Variants in MAML1 observed in about 807,000 individuals in gnomAD.
MAML1 encodes mastermind-like protein 1.
In MAML1, 14 loss-of-function variants were observed where a neutral mutation model predicts 77.1. The ratio of observed to expected loss-of-function variants is 0.18; its 90% CI spans 0.12 to 0.28. MAML1 has a LOEUF of 0.28. MAML1 is among the 10% of genes least tolerant of loss of function. MAML1 has a pLI of 1.00. For missense variants in MAML1, 1,217 were observed against 1,327.8 expected, an observed-to-expected ratio of 0.92 and a Z score of 1.30; for synonymous variants, 516 against 551.9, an observed-to-expected ratio of 0.93 and a Z score of 0.91.
Position 179,774,507 on chromosome 5 carries a change from G to A in MAML1, c.2681G>A (p.Ser894Asn), listed in dbSNP as rs1756085928. The A allele has an allele frequency of 6.2e-7, 1 of 1,613,232 alleles. No homozygotes were observed. The part of the protein sequence containing the change: ...AVPNRPMAPM[S>N]SAAAVGSLLP... ...CCCAACAGGCCCATGGCTCCCATGAGCTCAGCAGCTGCCGTGGGGTCCTTG... is the reference window on the plus strand; with the variant it reads ...CCCAACAGGCCCATGGCTCCCATGAACTCAGCAGCTGCCGTGGGGTCCTTG... Residue 894 changes from serine (S) to asparagine (N), a missense_variant, in exon 5 of 5, where the codon AGC becomes AAC. This residue lies in a region of MAML1 where 884 missense variants were observed against 949.3 expected (regional missense o/e 0.93). Transcript: ENST00000292599.
chr5:179,739,020 C>T (rs1779226872), intron 1 of MAML1, among the ~76,000 whole-genome samples: 1 of 152,158 alleles, frequency 6.6e-6, no homozygotes, highest in Non-Finnish European at 1.5e-5. Flanking sequence ...ATTTCCTTTT[C>T]AGCTTTCTGA....
Position 179,733,393 on chromosome 5 carries a change from C to T in MAML1, c.281C>T (p.Ala94Val). Residue 94 changes from alanine (A) to valine (V), a missense_variant, in exon 1 of 5, where the codon GCC (alanine) becomes GTC (valine). Around this residue, in one of 3 missense-constraint regions of MAML1, gnomAD observed 312 missense variants for 331.4 expected, o/e 0.94. Coordinates refer to ENST00000292599, the MANE Select transcript of MAML1 (RefSeq NM_014757.5). ...APAAPAPRLD[A>V]ADGPEHGRPA... Reference sequence around the variant, plus strand: ...GCCGCCCCGGCCCCGCGCCTGGACGCCGCTGACGGCCCCGAGCACGGCCGC... The same window carrying T: ...GCCGCCCCGGCCCCGCGCCTGGACGTCGCTGACGGCCCCGAGCACGGCCGC... 5.1e-6 allele frequency: 6 copies of T among 1,171,962 alleles called. No homozygotes were observed. The highest frequency in any genetic ancestry group is 6.3e-6 in the Non-Finnish European group (6 of 955,066). The allele number at this position is 1,171,962 out of a possible 1,614,324, so 72.6% of individuals were successfully genotyped here. A position where few individuals can be genotyped will look rare whatever the true frequency, so the allele number is the denominator to read the frequency against.
intron 1 of MAML1, among the ~76,000 whole-genome samples, chr5:179,753,383 A>G (rs1160210658): frequency 6.6e-6 from 1 of 152,094 alleles, no homozygotes; most frequent in Non-Finnish European, 1.5e-5. Flanking sequence ...GCTACGTTTG[A>G]TAATATTTCA....
intron 1 of MAML1, among the ~76,000 whole-genome samples, chr5:179,736,649 C>G (rs978227396): frequency 6.6e-6 from 1 of 152,026 alleles, no homozygotes; most frequent in Non-Finnish European, 1.5e-5. Flanking sequence ...AAATAGTTGC[C>G]TTGAATCCTC....
chr5:179,743,471 A>G (rs1779321426), intron 1 of MAML1, among the ~76,000 whole-genome samples: 1 of 142,964 alleles, frequency 7.0e-6, no homozygotes, highest in Admixed American at 7.4e-5. Flanking sequence ...GGTTCACGCC[A>G]TTCTTCTGCC....
At chr5:179,748,059 A>AT (rs1249716604) in intron 1 of MAML1, among the ~76,000 whole-genome samples, 1 of 152,034 alleles carries the variant, frequency 6.6e-6, no homozygotes. Flanking sequence ...AACAATGTGC[A>AT]TTTGGTTAAC....
chr5:179,763,195 G>A (rs1441540834), intron 1 of MAML1, among the ~76,000 whole-genome samples: 1 of 152,212 alleles, frequency 6.6e-6, no homozygotes, highest in Non-Finnish European at 1.5e-5. Context: ...TCAAGGAAAT[G>A]TTAGCAACTA....
At chr5:179,770,944 A>T (rs983881298) in intron 3 of MAML1, 13 of 508,570 alleles carry the variant, frequency 2.6e-5, no homozygotes, top group Non-Finnish European at 3.2e-5. Flanking sequence ...AAACAGGTAT[A>T]CCTACCTTTT....
chr5:179,771,314 C>G lies in MAML1; in HGVS notation c.2068+71C>G. ...CTGGTGCTGGTTGAATCCCTGCTGT[C>G]TGCCCAGCTCTATGCCTTGACTTCA... On this transcript the variant is annotated intron_variant, in intron 4 of 4. Transcript: ENST00000292599. This position sits in a 1 kb window ranked among gnomAD's most constrained non-coding sequence, Gnocchi z 4.7. 2.3e-6 allele frequency: 3 copies of G among 1,307,802 alleles called. No homozygotes were observed. The allele number at this position is 1,307,802 out of a possible 1,614,324, so 81.0% of individuals were successfully genotyped here.
intron 1 of MAML1, among the ~76,000 whole-genome samples, chr5:179,759,763 C>T (rs77415449): frequency 0.013 from 1,922 of 152,326 alleles, 33 homozygotes; most frequent in African/African-American, 0.044. Flanking sequence ...CACGTGGAGT[C>T]CCAGTGAGCC....
At chr5:179,757,690 G>A (rs753161092) in intron 1 of MAML1, among the ~76,000 whole-genome samples, 1 of 152,086 alleles carries the variant, frequency 6.6e-6, no homozygotes, top group African/African-American at 2.4e-5. Context: ...GTTAGCAATC[G>A]CCTGCATTGT....
chr5:179,757,339 G>A (rs538485467), intron 1 of MAML1, among the ~76,000 whole-genome samples: 2 of 152,152 alleles, frequency 1.3e-5, no homozygotes, highest in African/African-American at 4.8e-5. Context: ...AGGCCAAGGC[G>A]GGCAGACTGC....
At chr5:179,756,340 G>C (rs981209356) in intron 1 of MAML1, among the ~76,000 whole-genome samples, 1 of 151,284 alleles carries the variant, frequency 6.6e-6, no homozygotes, top group African/African-American at 2.4e-5. Flanking sequence ...CGGGGGAGTG[G>C]CGTCAACCTG....
intron 1 of MAML1, among the ~76,000 whole-genome samples, chr5:179,735,806 G>C (rs1037379880): frequency 1.3e-5 from 2 of 152,026 alleles, no homozygotes; most frequent in Admixed American, 6.6e-5. Flanking sequence ...TCCTGCCTCA[G>C]CTTCCTGAGT....
In MAML1 at chr5:179,734,654, C is replaced by T. The variant is rs140146800; in HGVS notation, c.315+1227C>T. On this transcript the variant is annotated intron_variant, in intron 1 of 4. Coordinates refer to ENST00000292599, the MANE Select transcript of MAML1 (RefSeq NM_014757.5). ...TTATCGCCCCGTGTTCTTTCCCTGCCCTCCCCTCACTCTGTCGCCCAGGCT... is the reference window on the plus strand; with the variant it reads ...TTATCGCCCCGTGTTCTTTCCCTGCTCTCCCCTCACTCTGTCGCCCAGGCT... 9.6e-3 allele frequency among the ~76,000 whole-genome samples: 1,461 copies of T among 152,220 alleles called. 11 individuals carry two copies. Among genetic ancestry groups the T allele is most frequent in the Non-Finnish European group, 0.016 (1,064 of 68,020 alleles).
At chr5:179,754,333 G>A (rs73342164) in intron 1 of MAML1, among the ~76,000 whole-genome samples, 1,775 of 152,230 alleles carry the variant, frequency 0.012, 50 homozygotes, top group African/African-American at 0.04. Flanking sequence ...GGTGGTTCAC[G>A]CCTGCAGTCC....
chr5:179,737,957 C>T (rs1207551133), intron 1 of MAML1, among the ~76,000 whole-genome samples: 6 of 152,156 alleles, frequency 3.9e-5, no homozygotes, highest in South Asian at 2.1e-4. Flanking sequence ...CCACCGCACC[C>T]GGCTAGGTTT....
chr5:179,740,825 C>G (rs544444095), intron 1 of MAML1, among the ~76,000 whole-genome samples: 4 of 152,190 alleles, frequency 2.6e-5, no homozygotes, highest in African/African-American at 9.6e-5. Context: ...AAGGGAAATT[C>G]CTAGTTTTAT....
intron 1 of MAML1, among the ~76,000 whole-genome samples, chr5:179,753,823 C>T (rs544295215): frequency 2.0e-4 from 30 of 151,760 alleles, no homozygotes; most frequent in African/African-American, 7.2e-4. Flanking sequence ...CAGGTGTACA[C>T]CATGGTGCCT....
Sources: gnomAD v4.1 joint callset for allele counts (sites outside exome capture counted in the v4.1 genomes callset) on GRCh38, gnomAD v4.1.1 for gene constraint, gnomAD v4.1.1 regional missense constraint, Gnocchi (gnomAD v3.1) non-coding constraint, MANE v1.5 for transcripts, NCBI Gene and HGNC (gene_info 2026-07-23, HGNC 2026-07-21) for gene names.